The following TBC1D32 variants were observed in gnomAD, a reference collection of about 807,000 sequenced individuals.
The protein encoded by TBC1D32 is TBC1 domain family member 32, also known as protein broad-minded.
In TBC1D32, 151 loss-of-function variants were observed where a neutral mutation model predicts 170.3. The observed-to-expected ratio is 0.89, with a 90% CI of 0.78 to 1.01. The LOEUF is 1.01. TBC1D32 is among the 50% of genes least tolerant of loss of function. The probability of loss-of-function intolerance (pLI) is 0.00; values close to 1 mark genes in which losing one functional copy is unlikely to be tolerated. For missense variants in TBC1D32, 1,464 were observed against 1,457.1 expected (o/e 1.00, Z -0.08); for synonymous variants, 498 against 488.0 (o/e 1.02, Z -0.27).
chr6:121,106,462 C>T (rs987761114), intron 29 of TBC1D32, among the ~76,000 whole-genome samples: 2 of 151,888 alleles, frequency 1.3e-5, no homozygotes, highest in Non-Finnish European at 1.5e-5. Flanking sequence ...ATGAGGAGGG[C>T]TGTTACATGA....
intron 22 of TBC1D32, among the ~76,000 whole-genome samples, chr6:121,196,030 T>A (rs1393669299): frequency 2.0e-5 from 3 of 152,100 alleles, no homozygotes; most frequent in Non-Finnish European, 4.4e-5. Flanking sequence ...GGGGAAGAAG[T>A]ATGTGGATGG....
At chr6:121,249,287 A>C (rs1798002287) in intron 17 of TBC1D32, among the ~76,000 whole-genome samples, 1 of 151,950 alleles carries the variant, frequency 6.6e-6, no homozygotes, top group Admixed American at 6.6e-5. Context: ...TAAAACCCTT[A>C]ACAAAATAGG....
chr6:121,177,755 T>C (rs1044738164), intron 22 of TBC1D32, among the ~76,000 whole-genome samples: 5 of 152,196 alleles, frequency 3.3e-5, no homozygotes, highest in African/African-American at 1.2e-4. Context: ...CATAAATGTA[T>C]TTCATGTTTA....
chr6:121,228,266 G>T (rs531555267), intron 20 of TBC1D32, among the ~76,000 whole-genome samples: 1 of 151,882 alleles, frequency 6.6e-6, no homozygotes, highest in African/African-American at 2.4e-5. Context: ...CTGTTTCATT[G>T]ATTTCTGCTC....
chr6:121,128,472 T>C (rs1781088265), intron 25 of TBC1D32, among the ~76,000 whole-genome samples: 1 of 152,178 alleles, frequency 6.6e-6, no homozygotes, highest in African/African-American at 2.4e-5. Flanking sequence ...AATTAATTCA[T>C]GTCACAAAAC....
intron 15 of TBC1D32, among the ~76,000 whole-genome samples, chr6:121,266,881 G>A (rs144417661): frequency 0.024 from 3,628 of 151,978 alleles, 161 homozygotes; most frequent in East Asian, 0.12. Context: ...TGGACACAGA[G>A]AGGAGAACAA....
At chr6:121,117,100 G>T (rs1214948484) in intron 26 of TBC1D32, among the ~76,000 whole-genome samples, 1 of 152,096 alleles carries the variant, frequency 6.6e-6, no homozygotes, top group Non-Finnish European at 1.5e-5. Flanking sequence ...ATAAAGTTGA[G>T]ATTTACATTT....
intron 31 of TBC1D32, among the ~76,000 whole-genome samples, chr6:121,081,525 C>T (rs985118412): frequency 6.6e-5 from 10 of 151,966 alleles, no homozygotes; most frequent in Non-Finnish European, 1.5e-4. Flanking sequence ...GAAGAAAAGT[C>T]ATCTTTGATT....
intron 25 of TBC1D32, among the ~76,000 whole-genome samples, chr6:121,127,017 T>C (rs142647318): frequency 1.3e-5 from 2 of 152,308 alleles, no homozygotes; most frequent in Non-Finnish European, 2.9e-5. Flanking sequence ...TTGCATCTAA[T>C]ACCCCTGAAA....
chr6:121,325,150 T>C (rs970216304), intron 1 of TBC1D32, among the ~76,000 whole-genome samples: 31 of 148,432 alleles, frequency 2.1e-4, no homozygotes, highest in African/African-American at 7.8e-4. Flanking sequence ...AGGTGGAAGT[T>C]GCAGTGAGCC....
chr6:121,310,396 T>C (rs1177384715), intron 4 of TBC1D32, among the ~76,000 whole-genome samples: 2 of 152,114 alleles, frequency 1.3e-5, no homozygotes, highest in African/African-American at 4.8e-5. Flanking sequence ...AAATAATTAT[T>C]TTAAAAAGCT....
intron 17 of TBC1D32, among the ~76,000 whole-genome samples, chr6:121,244,760 G>A (rs1316815426): frequency 6.6e-6 from 1 of 152,140 alleles, no homozygotes; most frequent in Non-Finnish European, 1.5e-5. Context: ...ATATGATATG[G>A]GTTATGCAGG....
intron 17 of TBC1D32, among the ~76,000 whole-genome samples, chr6:121,249,393 T>A (rs1798014374): frequency 6.6e-6 from 1 of 151,720 alleles, no homozygotes. Context: ...GCATTCCCCC[T>A]GAGAGCTGAA....
intron 1 of TBC1D32, among the ~76,000 whole-genome samples, chr6:121,322,485 T>C (rs147852882): frequency 1.3e-5 from 2 of 152,340 alleles, no homozygotes; most frequent in Admixed American, 1.3e-4. Context: ...CTCGTATAGA[T>C]TGTCTTCTAC....
At chr6:121,276,616 TA>T (rs1802251306) in intron 15 of TBC1D32, among the ~76,000 whole-genome samples, 1 of 152,108 alleles carries the variant, frequency 6.6e-6, no homozygotes, top group South Asian at 2.1e-4. Flanking sequence ...CAAAGTAGAT[TA>T]AAAGTCAAGA....
chr6:121,329,115 C>T (rs112921071), intron 1 of TBC1D32, among the ~76,000 whole-genome samples: 2,692 of 152,274 alleles, frequency 0.018, 29 homozygotes, highest in South Asian at 0.042. Flanking sequence ...AAATTCTTCA[C>T]ATTTACATTG....
chr6:121,186,014 A>T (rs1789162198), intron 22 of TBC1D32, among the ~76,000 whole-genome samples: 1 of 152,110 alleles, frequency 6.6e-6, no homozygotes, highest in South Asian at 2.1e-4. Context: ...GTAATACATG[A>T]GTCTATGAAC....
chr6:121,331,780 AT>A (rs566511692), intron 1 of TBC1D32, among the ~76,000 whole-genome samples: 285 of 152,306 alleles, frequency 1.9e-3, no homozygotes, highest in Non-Finnish European at 3.3e-3. Flanking sequence ...AGATTGTAAA[AT>A]TCCATGGAGA....
At chr6:121,256,015 C>T in intron 16 of TBC1D32, 69 bp downstream of exon 16, 1 of 1,337,198 alleles carries the variant, frequency 7.5e-7, no homozygotes, top group Non-Finnish European at 1.0e-6. Flanking sequence ...CAAAGTACAA[C>T]ACTATAATGG....
Sources: gnomAD v4.1 joint callset for allele counts (sites outside exome capture counted in the v4.1 genomes callset) on GRCh38, gnomAD v4.1.1 for gene constraint, MANE v1.5 for transcripts, NCBI Gene and HGNC (gene_info 2026-07-23, HGNC 2026-07-21) for gene names.